Variants in REV3L observed in about 807,000 individuals in gnomAD.
REV3L encodes REV3 like, DNA directed polymerase zeta catalytic subunit, also known as DNA polymerase zeta catalytic subunit.
A neutral mutation model predicts 299.4 loss-of-function variants in REV3L; 69 were observed. The ratio of observed to expected loss-of-function variants is 0.23; its 90% CI spans 0.19 to 0.28. The LOEUF (loss-of-function observed/expected upper bound fraction) is 0.28. Ranked by LOEUF, REV3L falls within the 10% of genes least tolerant of loss-of-function variation. REV3L has a pLI of 1.00. For synonymous variants in REV3L, 1,238 were observed against 1,271.4 expected (o/e 0.97, Z 0.56); for missense variants, 3,128 against 3,693.8 (o/e 0.85, Z 3.97).
chr6:111,472,212 A>G, intron 1 of REV3L: 3 of 864,370 alleles, frequency 3.5e-6, no homozygotes, highest in Non-Finnish European at 3.1e-6. Flanking sequence ...TTTTAACTTT[A>G]CATTTTTCAC....
intron 1 of REV3L, among the ~76,000 whole-genome samples, chr6:111,451,563 C>T (rs1488766759): frequency 1.3e-5 from 2 of 152,114 alleles, no homozygotes; most frequent in Non-Finnish European, 2.9e-5. Flanking sequence ...TCCTAGGGCA[C>T]AGAATAGCTC....
chr6:111,419,992 C>T (rs898315720), intron 1 of REV3L, among the ~76,000 whole-genome samples: 11 of 152,078 alleles, frequency 7.2e-5, no homozygotes, highest in African/African-American at 2.4e-4. Context: ...CTACAGGTGC[C>T]TGCCACCATG....
chr6:111,408,627 C>G (rs1202526702), intron 3 of REV3L, among the ~76,000 whole-genome samples: 3 of 151,596 alleles, frequency 2.0e-5, no homozygotes, highest in Non-Finnish European at 2.9e-5. Flanking sequence ...CAAAACAAAA[C>G]AAAACAAAAC....
intron 13 of REV3L, 80 bp downstream of exon 13, chr6:111,372,516 C>CT (rs17539664): frequency 9.9e-4 from 1,089 of 1,101,858 alleles, no homozygotes; most frequent in Admixed American, 1.5e-3. Flanking sequence ...TGCATACATT[C>CT]TTTTTTTTTC....
chr6:111,364,037 C>T (rs1308075518), intron 15 of REV3L, 59 bp from the exon 16 acceptor site: 1 of 1,556,794 alleles, frequency 6.4e-7, no homozygotes, highest in African/African-American at 1.4e-5. Flanking sequence ...AATCATTTTT[C>T]TTTTGATTAC....
intron 1 of REV3L, among the ~76,000 whole-genome samples, chr6:111,479,649 A>G (rs1381166947): frequency 6.6e-6 from 1 of 151,830 alleles, no homozygotes; most frequent in Non-Finnish European, 1.5e-5. Flanking sequence ...AGCTAGTACT[A>G]CAGGTGCACA....
Position 111,379,985 on chromosome 6 carries a change from T to C in REV3L, c.1451A>G (p.Lys484Arg), listed in dbSNP as rs745942067. 9 of 1,599,282 alleles carry C rather than the reference T, an allele frequency of 5.6e-6. No individual in the cohort carries two copies. The highest frequency in any genetic ancestry group is 7.7e-6 in the Non-Finnish European group (9 of 1,169,196). Residue 484 changes from lysine (K) to arginine (R), a missense_variant, in exon 11 of 32, where the codon AAG becomes AGG. Lys to Arg is a conservative substitution (Grantham distance 26). Transcript: ENST00000368802. ...DSNIEEHCAK[K>R]RSLCRNTHRS... Reference sequence around the variant, plus strand: ...ACTGCAATAACTAAAAAATTACCTCTTTTTGGCACAATGTTCTTCAATATT... The same window carrying C: ...ACTGCAATAACTAAAAAATTACCTCCTTTTGGCACAATGTTCTTCAATATT...
chr6:111,431,640 TATC>T, intron 1 of REV3L: 3 of 808,148 alleles, frequency 3.7e-6, no homozygotes, highest in Non-Finnish European at 6.4e-6. Context: ...CTACAGGTGA[TATC>T]ATAAGCACAT....
intron 3 of REV3L, among the ~76,000 whole-genome samples, chr6:111,410,154 A>G (rs912938603): frequency 6.6e-6 from 1 of 152,230 alleles, no homozygotes; most frequent in African/African-American, 2.4e-5. Context: ...GCAGTGAGCT[A>G]TGACTGCACC....
In REV3L at chr6:111,375,624, C is replaced by T. The variant is rs1780225238; in HGVS notation, c.2731G>A (p.Gly911Arg). Residue 911 changes from glycine to arginine, a missense_variant, in exon 13 of 32, where the codon GGA (glycine) becomes AGA (arginine). Physicochemically the swap from Gly to Arg is moderately radical, Grantham distance 125. Around this residue, in one of 9 missense-constraint regions of REV3L, gnomAD observed 2,409 missense variants for 2,611.8 expected, o/e 0.92. Coordinates refer to ENST00000368802, the MANE Select transcript of REV3L (RefSeq NM_001372078.1). ...DGTLETEQSF[G>R]LYGNKYTLRA... The stretch of plus-strand genomic sequence containing the variant: ...AGTGTGTATTTATTTCCATATAGTC[C>T]AAAGGACTGCTCAGTTTCTAACGTT... 1.2e-6 allele frequency: 2 copies of T among 1,613,696 alleles called. No homozygotes were observed. Among genetic ancestry groups the T allele is most frequent in the Non-Finnish European group, 1.7e-6 (2 of 1,179,864 alleles).
chr6:111,374,916 C>T lies in REV3L; in HGVS notation c.3439G>A (p.Ala1147Thr), dbSNP rs556782563. Reference sequence around the variant, plus strand: ...ACATTAGGACCCTTAAAAAGCATTGCCTCTTTTTCTGCAGCAGCCATGATT... The same window carrying T: ...ACATTAGGACCCTTAAAAAGCATTGTCTCTTTTTCTGCAGCAGCCATGATT... ...EEIMAAAEKEAMLFKGPNVYK... is the reference protein window; with the variant it reads ...EEIMAAAEKETMLFKGPNVYK... Residue 1147 changes from alanine to threonine, a missense_variant, in exon 13 of 32, where the codon GCA (alanine) becomes ACA (threonine). Ala to Thr is a moderately conservative substitution (Grantham distance 58). Around this residue, in one of 9 missense-constraint regions of REV3L, gnomAD observed 2,409 missense variants for 2,611.8 expected, o/e 0.92. Coordinates refer to ENST00000368802, the MANE Select transcript of REV3L (RefSeq NM_001372078.1). The T allele has an allele frequency of 1.1e-5, 18 of 1,613,030 alleles. No individual in the cohort carries two copies. In the African/African-American group the frequency reaches 1.3e-4, roughly 12 times the overall value.
chr6:111,315,050 A>C (rs1042253134), intron 27 of REV3L, among the ~76,000 whole-genome samples: 2 of 151,850 alleles, frequency 1.3e-5, no homozygotes, highest in African/African-American at 4.8e-5. Flanking sequence ...GGGTCTGGCT[A>C]TGTTGTCCAG....
At chr6:111,329,387 T>A (rs1279321287) in intron 25 of REV3L, 145 bp downstream of exon 25, 4 of 663,342 alleles carry the variant, frequency 6.0e-6, no homozygotes, top group African/African-American at 1.8e-5. Context: ...GGTCTCACTA[T>A]GTTGTCCAGG....
At chr6:111,387,739 C>T in intron 9 of REV3L, 26 bp downstream of exon 9, 1 of 1,601,784 alleles carries the variant, frequency 6.2e-7, no homozygotes, top group Non-Finnish European at 8.6e-7. Flanking sequence ...CTAGTAGTTT[C>T]TGTATACATG....
At chr6:111,433,559 A>G (rs535934636) in intron 1 of REV3L, among the ~76,000 whole-genome samples, 6 of 152,320 alleles carry the variant, frequency 3.9e-5, no homozygotes, top group Admixed American at 2.0e-4. Context: ...GACTGAAGCC[A>G]TAACAGTCTC....
At chr6:111,471,218 T>C (rs1792163508) in intron 1 of REV3L, among the ~76,000 whole-genome samples, 1 of 152,156 alleles carries the variant, frequency 6.6e-6, no homozygotes, top group South Asian at 2.1e-4. Context: ...CTGTGACATC[T>C]AGCATACATA....
At chr6:111,390,530 A>C (rs1005047336) in intron 5 of REV3L, among the ~76,000 whole-genome samples, 4 of 152,150 alleles carry the variant, frequency 2.6e-5, no homozygotes. Context: ...TGCATAAAAA[A>C]CCATACACAT....
intron 4 of REV3L, among the ~76,000 whole-genome samples, chr6:111,403,340 T>C (rs1424971058): frequency 6.6e-6 from 1 of 152,250 alleles, no homozygotes; most frequent in Non-Finnish European, 1.5e-5. Context: ...AATACAGGAA[T>C]ACCCCATTAA....
chr6:111,373,320 T>A lies in REV3L; in HGVS notation c.5035A>T (p.Ser1679Cys), dbSNP rs368107024. The A allele has an allele frequency of 1.2e-6, 2 of 1,613,994 alleles. No homozygotes were observed. Among genetic ancestry groups the A allele is most frequent in the Non-Finnish European group, 8.5e-7 (1 of 1,179,976 alleles). Residue 1679 changes from serine (S) to cysteine (C), a missense_variant, in exon 13 of 32, where the codon AGT (serine) becomes TGT (cysteine). By Grantham distance (112) the Ser-to-Cys change is moderately radical. Transcript: ENST00000368802. ...ADQNLPQKFLSDAVQDLFPGQ... is the reference protein window; with the variant it reads ...ADQNLPQKFLCDAVQDLFPGQ... The stretch of plus-strand genomic sequence containing the variant: ...GGAAAAAGATCCTGAACAGCATCAC[T>A]TAGGAACTTCTGAGGCAAATTCTGA...
Sources: gnomAD v4.1 joint callset for allele counts (sites outside exome capture counted in the v4.1 genomes callset) on GRCh38, gnomAD v4.1.1 for gene constraint, gnomAD v4.1.1 regional missense constraint, MANE v1.5 for transcripts, NCBI Gene and HGNC (gene_info 2026-07-23, HGNC 2026-07-21) for gene names.